VWA3A: variants seen among roughly 807,000 people sequenced by gnomAD.
VWA3A encodes von Willebrand factor A domain-containing protein 3A.
Under a neutral mutation model 160.4 loss-of-function variants are expected in VWA3A, and 134 were observed. The observed-to-expected ratio is 0.84, with a 90% CI of 0.73 to 0.96. VWA3A has a LOEUF of 0.96. VWA3A is among the 40% of genes least tolerant of loss of function. VWA3A has a pLI of 0.00. For synonymous variants in VWA3A, 476 were observed against 543.4 expected (o/e 0.88, Z 1.72); for missense variants, 1,310 against 1,447.9 (o/e 0.90, Z 1.55).
At chr16:22,142,835 C>G in intron 25 of VWA3A, 70 bp downstream of exon 25, 1 of 1,166,874 alleles carries the variant, frequency 8.6e-7, no homozygotes, top group Non-Finnish European at 1.2e-6. Flanking sequence ...ACCATTACTT[C>G]TAGGATGGGG....
In VWA3A at chr16:22,128,337, G is replaced by T. The variant is rs1050441562; in HGVS notation, c.1652+2040G>T. On this transcript the variant is annotated intron_variant, in intron 17 of 33. Transcript: ENST00000389398. Reference sequence around the variant, plus strand: ...AGAGACCAGTTTGACTATTGCAATTGCCTGCCCTAGTGTTGAGTGGGCTTG... The same window carrying T: ...AGAGACCAGTTTGACTATTGCAATTTCCTGCCCTAGTGTTGAGTGGGCTTG... Among the ~76,000 whole-genome samples the T allele has an allele frequency of 4.6e-5, 7 of 152,182 alleles. No homozygotes were observed. In the South Asian group the frequency reaches 1.4e-3, roughly 31 times the overall value.
intron 26 of VWA3A, among the ~76,000 whole-genome samples, chr16:22,144,875 C>T (rs369448731): frequency 5.3e-5 from 8 of 152,144 alleles, no homozygotes; most frequent in East Asian, 3.9e-4. Flanking sequence ...GATCACGCCA[C>T]TGCACTCCAG....
chr16:22,100,435 G>C lies in VWA3A; in HGVS notation c.370G>C (p.Val124Leu). 3.9e-6 allele frequency: 6 copies of C among 1,551,580 alleles called. No homozygotes were observed. Among genetic ancestry groups the C allele is most frequent in the Non-Finnish European group, 5.2e-6 (6 of 1,147,006 alleles). ...CTTCAGGGAGGAGGGCACCAATGTCGTGCAGAAAATATGTTTCTCCACCCA... is the reference window on the plus strand; with the variant it reads ...CTTCAGGGAGGAGGGCACCAATGTCCTGCAGAAAATATGTTTCTCCACCCA... ...TEVLEEGTNVVQKICFSTQII... is the reference protein window; with the variant it reads ...TEVLEEGTNVLQKICFSTQII... Residue 124 changes from valine (V) to leucine (L), a missense_variant, in exon 5 of 34, where the codon GTG becomes CTG. By Grantham distance (32) the Val-to-Leu change is conservative. Coordinates refer to ENST00000389398, the MANE Select transcript of VWA3A (RefSeq NM_173615.5).
In VWA3A at chr16:22,107,855, C is replaced by T. The variant is rs932957352; in HGVS notation, c.484-1627C>T. On this transcript the variant is annotated intron_variant, in intron 6 of 33. Transcript: ENST00000389398. ...TTCAGAAGCAAGTTCCTAGGGCACGCCAGTATTGTGACTTTGGAACAAGGA... is the reference window on the plus strand; with the variant it reads ...TTCAGAAGCAAGTTCCTAGGGCACGTCAGTATTGTGACTTTGGAACAAGGA... Among the ~76,000 whole-genome samples, 7 of 152,088 alleles carry T rather than the reference C, an allele frequency of 4.6e-5. No homozygotes were observed. In the East Asian group the frequency reaches 9.7e-4, roughly 21 times the overall value.
intron 26 of VWA3A, 45 bp from the exon 27 acceptor site, chr16:22,146,191 A>G: frequency 6.7e-7 from 1 of 1,484,554 alleles, no homozygotes; most frequent in Non-Finnish European, 9.3e-7. Context: ...GATATGAAGA[A>G]ATGACTGATG....
chr16:22,113,363 C>CTTTTTTTTGTTTTTTTTT (rs2045581256), intron 8 of VWA3A, among the ~76,000 whole-genome samples: 1 of 46,252 alleles, frequency 2.2e-5, no homozygotes, highest in Non-Finnish European at 4.6e-5. Flanking sequence ...GGCTAATTTT[C>CTTTTTTTTGTTTTTTTTT]TTTTTTTTTT....
At chr16:22,125,080 C>G (rs927245116) in intron 16 of VWA3A, among the ~76,000 whole-genome samples, 1 of 152,086 alleles carries the variant, frequency 6.6e-6, no homozygotes, top group Non-Finnish European at 1.5e-5. Flanking sequence ...GTTTTCCCTA[C>G]GAAGACCCCA....
At position 22,149,839 on chromosome 16, in the gene VWA3A, G is replaced by A. The variant is rs1312820883; in HGVS notation, c.3037G>A (p.Val1013Met). 3 of 1,609,986 alleles carry A rather than the reference G, an allele frequency of 1.9e-6. No individual in the cohort carries two copies. The highest frequency in any genetic ancestry group is 2.5e-6 in the Non-Finnish European group (3 of 1,177,792). The part of the protein sequence containing the change: ...ESFQSWQDTL[V>M]ETTDAACHEA... Reference sequence around the variant, plus strand: ...CTTTCAGTCATGGCAGGACACGCTGGTGGAGACCACAGATGCAGCGTGTCA... The same window carrying A: ...CTTTCAGTCATGGCAGGACACGCTGATGGAGACCACAGATGCAGCGTGTCA... Residue 1013 changes from valine to methionine, a missense_variant, in exon 29 of 34, where the codon GTG becomes ATG. Transcript: ENST00000389398.
At chr16:22,115,917 GGAA>G (rs2045630103) in intron 9 of VWA3A, among the ~76,000 whole-genome samples, 2 of 33,112 alleles carry the variant, frequency 6.0e-5, no homozygotes, top group Non-Finnish European at 8.6e-5. Context: ...AAGGAAGGAA[GGAA>G]GGAAAGGAAA....
chr16:22,140,131 G>A (rs768469149), intron 22 of VWA3A, 23 bp from the exon 23 acceptor site: 1 of 1,608,794 alleles, frequency 6.2e-7, no homozygotes, highest in Non-Finnish European at 8.5e-7. Context: ...CTCCTCTGAT[G>A]GGAAAGATTG....
intron 17 of VWA3A, among the ~76,000 whole-genome samples, chr16:22,126,808 G>A (rs933090118): frequency 1.3e-5 from 2 of 151,998 alleles, no homozygotes; most frequent in South Asian, 4.1e-4. Context: ...AGGAGTTTGA[G>A]ACCAGCCTGG....
chr16:22,142,594 G>A, intron 24 of VWA3A, 74 bp from the exon 25 acceptor site: 1 of 1,164,736 alleles, frequency 8.6e-7, no homozygotes, highest in Non-Finnish European at 1.2e-6. Context: ...CCAACACTGG[G>A]GATCACATTT....
chr16:22,098,807 G>A (rs536201527), intron 3 of VWA3A, among the ~76,000 whole-genome samples: 7 of 148,062 alleles, frequency 4.7e-5, no homozygotes, highest in South Asian at 2.1e-4. Context: ...AGGCACGGTC[G>A]TTCACATCTG....
chr16:22,106,797 A>G (rs2045488530), intron 6 of VWA3A, among the ~76,000 whole-genome samples: 1 of 152,228 alleles, frequency 6.6e-6, no homozygotes. Flanking sequence ...GCTCTGGGCG[A>G]GAACGATGGA....
chr16:22,135,476 A>G lies in VWA3A; in HGVS notation c.2139+1038A>G, dbSNP rs565488802. On this transcript the variant is annotated intron_variant, in intron 21 of 33. Coordinates refer to ENST00000389398, the MANE Select transcript of VWA3A (RefSeq NM_173615.5). The stretch of plus-strand genomic sequence containing the variant: ...AGACCCTATTTCTATGTAAGGCCAC[A>G]TGCACAGGTCCTGAGGGTTCAGACT... 3.3e-5 allele frequency among the ~76,000 whole-genome samples: 5 copies of G among 152,302 alleles called. No individual in the cohort carries two copies. In the Middle Eastern group the frequency reaches 0.01, roughly 311 times the overall value.
Position 22,156,109 on chromosome 16 carries a change from G to A in VWA3A, c.*92G>A, listed in dbSNP as rs1020561249. On this transcript the variant is annotated 3_prime_UTR_variant, in exon 34 of 34. Coordinates refer to ENST00000389398, the MANE Select transcript of VWA3A (RefSeq NM_173615.5). ...AGGATGGGATGAAATGCTGTGACCT[G>A]CAGGAAACATGATTCCTGGTACCAG... 1.8e-5 allele frequency: 11 copies of A among 615,748 alleles called. No homozygotes were observed. Among genetic ancestry groups the A allele is most frequent in the African/African-American group, 9.3e-5 (5 of 53,952 alleles). 38.1% of individuals were successfully genotyped at this position (615,748 alleles called of 1,614,324 possible).
intron 27 of VWA3A, among the ~76,000 whole-genome samples, chr16:22,147,350 G>A (rs2046271884): frequency 6.6e-6 from 1 of 152,154 alleles, no homozygotes; most frequent in African/African-American, 2.4e-5. Flanking sequence ...GTCCCCTCCA[G>A]GAGAGGTGAA....
chr16:22,102,377 T>C (rs2045420583), intron 5 of VWA3A, among the ~76,000 whole-genome samples: 1 of 151,862 alleles, frequency 6.6e-6, no homozygotes, highest in African/African-American at 2.4e-5. Flanking sequence ...AAGATAAAAA[T>C]AAAGCTCATC....
At chr16:22,144,166 G>C in intron 25 of VWA3A, 81 bp from the exon 26 acceptor site, 1 of 1,459,810 alleles carries the variant, frequency 6.9e-7, no homozygotes, top group Non-Finnish European at 9.1e-7. Flanking sequence ...TTTCAAACAT[G>C]AGGTTCTCAT....
Sources: allele counts gnomAD v4.1 joint callset (sites outside exome capture counted in the v4.1 genomes callset), GRCh38; gene constraint gnomAD v4.1.1; transcripts MANE v1.5; gene names NCBI Gene and HGNC (gene_info 2026-07-23, HGNC 2026-07-21).